The following BCL11A variants were observed in gnomAD, a reference collection of about 807,000 sequenced individuals.
The protein encoded by BCL11A is B cell CLL/lymphoma 11A.
A neutral mutation model predicts 55.9 loss-of-function variants in BCL11A; 2 were observed. The ratio of observed to expected loss-of-function variants is 0.04; its 90% CI spans 0.01 to 0.11. BCL11A has a LOEUF of 0.11. BCL11A is among the 10% of genes least tolerant of loss of function. The pLI, the probability that BCL11A is intolerant of heterozygous loss-of-function variation, is 1.00. For synonymous variants in BCL11A, 465 were observed against 473.4 expected (o/e 0.98, Z 0.23); for missense variants, 817 against 1,137.1 (o/e 0.72, Z 4.05).
rs199907978 is a variant in BCL11A, at chr2:60,546,346, G to A, written c.56-46C>T. 238 of 1,534,570 alleles carry A rather than the reference G, an allele frequency of 1.6e-4. No individual in the cohort carries two copies. The highest frequency in any genetic ancestry group is 6.3e-6 in the Non-Finnish European group (7 of 1,119,484). ...GCACAATTATTAGAGTGCCAGAGAG[G>A]ACAGAAAGGGGAGAAGCACATCTCA... is the stretch of plus-strand genomic sequence containing the variant. On this transcript the variant is annotated intron_variant, in intron 1 of 3. Coordinates refer to ENST00000642384, the MANE Select transcript of BCL11A (RefSeq NM_022893.4). The surrounding 1 kb of genome is among the most constrained non-coding windows in gnomAD (Gnocchi z 4.1).
intron 1 of BCL11A, among the ~76,000 whole-genome samples, chr2:60,552,548 C>T (rs959325780): frequency 2.0e-5 from 3 of 152,198 alleles, no homozygotes; most frequent in Admixed American, 1.3e-4. Context: ...CCGTCCTTCC[C>T]GGTCCCACGG....
chr2:60,516,898 C>A lies in BCL11A; in HGVS notation c.385+29073G>T, dbSNP rs139085193. Among the ~76,000 whole-genome samples, 85 of 152,240 alleles carry A rather than the reference C, an allele frequency of 5.6e-4. 2 individuals carry two copies. The East Asian group carries it at 0.016, about 29-fold the overall frequency. The stretch of plus-strand genomic sequence containing the variant: ...AAAAGAGCTGGAAAACCAGCAGATT[C>A]TAAAGAGAGGCATAGAAACAATAAA... On this transcript the variant is annotated intron_variant, in intron 2 of 3. Transcript: ENST00000642384.
chr2:60,467,998 G>A (rs1431387183), intron 3 of BCL11A, among the ~76,000 whole-genome samples: 1 of 135,310 alleles, frequency 7.4e-6, no homozygotes. Context: ...TGGTAATGGT[G>A]GTGGTGGTGA....
At chr2:60,453,248 C>G (rs566197614), downstream of BCL11A, among the ~76,000 whole-genome samples, 5 of 152,206 alleles carry the variant, frequency 3.3e-5, no homozygotes, top group Non-Finnish European at 7.4e-5. Context: ...CCTGTAGTTT[C>G]TTTCAAACAT....
At chr2:60,521,181 T>C (rs752045971) in intron 2 of BCL11A, among the ~76,000 whole-genome samples, 4 of 152,182 alleles carry the variant, frequency 2.6e-5, no homozygotes, top group African/African-American at 7.2e-5. Context: ...CCTTCCATTG[T>C]CTACTGCCAG....
exon 5 of BCL11A, chr2:60,451,211 T>G (rs1188821381): frequency 4.7e-6 from 1 of 214,188 alleles, no homozygotes; most frequent in Non-Finnish European, 9.4e-6. Context: ...ATAATTCACA[T>G]GCCAATTATT....
intron 2 of BCL11A, chr2:60,527,719 G>C (rs777001314): frequency 6.6e-6 from 1 of 152,164 alleles, no homozygotes; most frequent in African/African-American, 2.4e-5. Context: ...CTCCTCCCAC[G>C]GGGCCTCCGC....
At position 60,546,114 on chromosome 2, in the gene BCL11A, A is replaced by G. The variant is rs1670139748; in HGVS notation, c.242T>C (p.Val81Ala). 6.2e-7 allele frequency: 1 copy of G among 1,614,208 alleles called. No homozygotes were observed. ...TGGTGAAGGGGAAGGTGGCTTATCC[A>G]CAGCTTTTTCTAAGCAGAGGCTGCC... ...CNGSLCLEKA[V>A]DKPPSPSPIE... Residue 81 changes from valine to alanine, a missense_variant, in exon 2 of 4, where the codon GTG becomes GCG. By Grantham distance (64) the Val-to-Ala change is moderately conservative. Around this residue, in one of 4 missense-constraint regions of BCL11A, gnomAD observed 363 missense variants for 486.6 expected, o/e 0.75. Coordinates refer to ENST00000642384, the MANE Select transcript of BCL11A (RefSeq NM_022893.4). The surrounding 1 kb of genome is among the most constrained non-coding windows in gnomAD (Gnocchi z 4.1).
chr2:60,468,755 G>C lies in BCL11A; in HGVS notation c.464C>G (p.Ala155Gly). 1 of 1,612,438 alleles carries C rather than the reference G, an allele frequency of 6.2e-7. No individual in the cohort carries two copies. Among genetic ancestry groups the C allele is most frequent in the Non-Finnish European group, 8.5e-7 (1 of 1,179,180 alleles). ...GALIPTPGMS[A>G]EYAPQGICKD... Reference sequence around the variant, plus strand: ...ACAAATACCCTGCGGGGCATATTCTGCACTCATCCCAGGCGTGGGGATTAG... The same window carrying C: ...ACAAATACCCTGCGGGGCATATTCTCCACTCATCCCAGGCGTGGGGATTAG... The change falls in exon 3 of 4, where the codon GCA becomes GGA. Residue 155 changes from alanine to glycine, a missense_variant. Physicochemically the swap from Ala to Gly is moderately conservative, Grantham distance 60 (BLOSUM62 0). Transcript: ENST00000642384.
intron 1 of BCL11A, among the ~76,000 whole-genome samples, chr2:60,548,653 C>T (rs562623352): frequency 6.6e-6 from 1 of 152,286 alleles, no homozygotes; most frequent in South Asian, 2.1e-4. Context: ...ATGCTCTTAA[C>T]GTAAATTATT....
chr2:60,489,753 C>T (rs1572998075), intron 2 of BCL11A, among the ~76,000 whole-genome samples: 1 of 152,272 alleles, frequency 6.6e-6, no homozygotes, highest in Non-Finnish European at 1.5e-5. Context: ...ATTTACTAAC[C>T]ACTTTTATCA....
intron 2 of BCL11A, among the ~76,000 whole-genome samples, chr2:60,530,077 AT>A (rs1669378446): frequency 6.6e-6 from 1 of 152,214 alleles, no homozygotes. Flanking sequence ...ATATGAATGC[AT>A]AATGTCACAA....
chr2:60,480,907 CT>C (rs1246468632), intron 2 of BCL11A, among the ~76,000 whole-genome samples: 1 of 152,198 alleles, frequency 6.6e-6, no homozygotes, highest in East Asian at 1.9e-4. Context: ...AGTACCTCCG[CT>C]TGAATAATCC....
intron 2 of BCL11A, among the ~76,000 whole-genome samples, chr2:60,493,918 C>T (rs1465240750): frequency 6.6e-6 from 1 of 152,194 alleles, no homozygotes; most frequent in South Asian, 2.1e-4. Context: ...GCAGAAGGAC[C>T]CCTGGGGGAG....
chr2:60,541,889 A>G (rs1457706346), intron 2 of BCL11A: 1 of 708,260 alleles, frequency 1.4e-6, no homozygotes, highest in African/African-American at 1.8e-5. Flanking sequence ...CAATTACACC[A>G]TAAGGTACAC....
At chr2:60,463,371 C>T (rs529516725) in intron 3 of BCL11A, among the ~76,000 whole-genome samples, 1 of 152,304 alleles carries the variant, frequency 6.6e-6, no homozygotes, top group African/African-American at 2.4e-5. Flanking sequence ...CTGAGAAATG[C>T]TACACTATCC....
Position 60,462,374 on chromosome 2 carries a change from T to A in BCL11A, c.538A>T (p.Thr180Ser), listed in dbSNP as rs749279443. The change falls in exon 4 of 4, where the codon ACC (threonine) becomes TCC (serine). Residue 180 changes from threonine (T) to serine (S), a missense_variant. By Grantham distance (58) the Thr-to-Ser change is moderately conservative. This residue lies in a region of BCL11A where 363 missense variants were observed against 486.6 expected (regional missense o/e 0.75). Transcript: ENST00000642384. ...YTCTTCKQPF[T>S]SAWFLLQHAQ... ...TGTTGCAAGAGAAACCATGCACTGG[T>A]GAATGGCTGTTTGCAAGTTGTACAT... 1 of 1,613,116 alleles carries A rather than the reference T, an allele frequency of 6.2e-7. No individual in the cohort carries two copies. Among genetic ancestry groups the A allele is most frequent in the Non-Finnish European group, 8.5e-7 (1 of 1,179,580 alleles).
intron 2 of BCL11A, chr2:60,522,254 A>G (rs766944395): frequency 1.1e-4 from 17 of 152,212 alleles, no homozygotes; most frequent in Non-Finnish European, 1.8e-4. Context: ...AGCCCATTTT[A>G]TTATTTAAGT....
chr2:60,539,519 AGT>A, intron 2 of BCL11A, among the ~76,000 whole-genome samples: 1 of 152,264 alleles, frequency 6.6e-6, no homozygotes, highest in Non-Finnish European at 1.5e-5. Flanking sequence ...GCAGCTGGCC[AGT>A]AAAAAGCAGG....
Sources: allele counts gnomAD v4.1 joint callset (sites outside exome capture counted in the v4.1 genomes callset), GRCh38; gene constraint gnomAD v4.1.1; regional missense constraint gnomAD v4.1.1; non-coding constraint Gnocchi (gnomAD v3.1); transcripts MANE v1.5; gene names NCBI Gene and HGNC (gene_info 2026-07-23, HGNC 2026-07-21).